LCLAT1: variants seen among roughly 807,000 people sequenced by gnomAD.
LCLAT1 encodes the protein lysocardiolipin acyltransferase 1, also known as 1-AGP acyltransferase 8.
A neutral mutation model predicts 30.7 loss-of-function variants in LCLAT1; 11 were observed. That is an observed-to-expected ratio of 0.36 (90% confidence interval 0.23 to 0.59). The LOEUF (loss-of-function observed/expected upper bound fraction) is 0.59. Among genes scored for constraint, LCLAT1 ranks in the 20% least tolerant of loss-of-function variants. The probability of loss-of-function intolerance (pLI) is 0.77; values close to 1 mark genes in which losing one functional copy is unlikely to be tolerated. For synonymous variants in LCLAT1, 155 were observed against 151.3 expected (o/e 1.02, Z -0.18); for missense variants, 402 against 458.6 (o/e 0.88, Z 1.13).
At chr2:30,512,886 A>T (rs957046385) in intron 1 of LCLAT1, among the ~76,000 whole-genome samples, 3 of 152,304 alleles carry the variant, frequency 2.0e-5, no homozygotes, top group African/African-American at 7.2e-5. Context: ...ACTTACATGA[A>T]CAATGTTGTA....
At chr2:30,534,434 C>A (rs1002954532) in intron 3 of LCLAT1, among the ~76,000 whole-genome samples, 1 of 152,112 alleles carries the variant, frequency 6.6e-6, no homozygotes, top group African/African-American at 2.4e-5. Context: ...CCAGCCACCA[C>A]GCCTGGCTAA....
chr2:30,462,513 C>T (rs529513657), intron 1 of LCLAT1, among the ~76,000 whole-genome samples: 1 of 152,250 alleles, frequency 6.6e-6, no homozygotes, highest in South Asian at 2.1e-4. Flanking sequence ...CTCAGGAAGA[C>T]CATGAGTGAA....
chr2:30,482,445 T>G (rs1018566579), intron 1 of LCLAT1, among the ~76,000 whole-genome samples: 5 of 152,208 alleles, frequency 3.3e-5, no homozygotes, highest in African/African-American at 1.2e-4. Flanking sequence ...AGTATATATC[T>G]TTCCAAAACT....
chr2:30,553,671 C>T (rs930206650), intron 3 of LCLAT1, among the ~76,000 whole-genome samples: 5 of 151,828 alleles, frequency 3.3e-5, no homozygotes, highest in East Asian at 1.9e-4. Context: ...AAAAATTAGC[C>T]GGGCGCGGTG....
In LCLAT1 at chr2:30,533,140, G is replaced by A; in HGVS notation, c.190G>A (p.Val64Ile). 3 of 1,613,736 alleles carry A rather than the reference G, an allele frequency of 1.9e-6. No homozygotes were observed. The highest frequency in any genetic ancestry group is 2.2e-5 in the East Asian group (1 of 44,868). The change falls in exon 3 of 6, where the codon GTA becomes ATA. Residue 64 changes from valine to isoleucine, a missense_variant. Val to Ile is a conservative substitution (Grantham distance 29). Transcript: ENST00000379509. ...GGCATTATTGGAGACCATGTTTGGTGTAAAAGTGATTATAACTGGGGATGC... is the reference window on the plus strand; with the variant it reads ...GGCATTATTGGAGACCATGTTTGGTATAAAAGTGATTATAACTGGGGATGC... ...PVALLETMFG[V>I]KVIITGDAFV...
intron 4 of LCLAT1, 98 bp from the exon 5 acceptor site, chr2:30,567,961 TA>T (rs1254167743): frequency 1.6e-6 from 1 of 640,022 alleles, no homozygotes; most frequent in Non-Finnish European, 2.8e-6. Flanking sequence ...AGAGAATAAT[TA>T]ACAGCTATTT....
At chr2:30,632,354 A>G (rs1668806105) in intron 5 of LCLAT1, among the ~76,000 whole-genome samples, 1 of 151,912 alleles carries the variant, frequency 6.6e-6, no homozygotes, top group African/African-American at 2.4e-5. Flanking sequence ...TCTGAATGCC[A>G]TGGGACAACT....
At chr2:30,504,102 A>G (rs13385958) in intron 1 of LCLAT1, among the ~76,000 whole-genome samples, 1 of 113,812 alleles carries the variant, frequency 8.8e-6, no homozygotes, top group African/African-American at 3.0e-5. Flanking sequence ...GTGTGTGTTT[A>G]TATATGTGTG....
At chr2:30,507,227 T>G (rs930872380) in intron 1 of LCLAT1, among the ~76,000 whole-genome samples, 9 of 152,134 alleles carry the variant, frequency 5.9e-5, no homozygotes, top group African/African-American at 2.2e-4. Flanking sequence ...TTGTTTTAAC[T>G]GACTCCCAAG....
intron 3 of LCLAT1, chr2:30,552,605 A>G (rs1317435716): frequency 1.6e-5 from 7 of 435,808 alleles, no homozygotes; most frequent in Non-Finnish European, 2.3e-5. Context: ...GTGGAAATTA[A>G]TCATCTTAGA....
intron 5 of LCLAT1, among the ~76,000 whole-genome samples, chr2:30,610,749 C>G (rs1343599052): frequency 6.6e-6 from 1 of 152,090 alleles, no homozygotes; most frequent in Non-Finnish European, 1.5e-5. Context: ...TTCATTCCAG[C>G]TGGTTGGTCC....
intron 5 of LCLAT1, among the ~76,000 whole-genome samples, chr2:30,634,659 C>T (rs1336455743): frequency 2.0e-5 from 3 of 152,162 alleles, no homozygotes; most frequent in African/African-American, 7.2e-5. Flanking sequence ...TTAAAAATGG[C>T]TTTTACTGGT....
chr2:30,609,388 C>G (rs1342983716), intron 5 of LCLAT1, among the ~76,000 whole-genome samples: 3 of 152,066 alleles, frequency 2.0e-5, no homozygotes, highest in African/African-American at 7.2e-5. Flanking sequence ...CATCTGGAGT[C>G]CCTTACATGT....
intron 3 of LCLAT1, among the ~76,000 whole-genome samples, chr2:30,547,610 G>C (rs1168866943): frequency 6.6e-6 from 1 of 151,980 alleles, no homozygotes; most frequent in Non-Finnish European, 1.5e-5. Flanking sequence ...TGAAGGTCCA[G>C]TGCCACTCTT....
intron 1 of LCLAT1, among the ~76,000 whole-genome samples, chr2:30,469,821 C>T (rs569236748): frequency 2.0e-5 from 3 of 152,104 alleles, no homozygotes; most frequent in African/African-American, 4.8e-5. Flanking sequence ...TCTCGATCTC[C>T]TGACCTCATG....
intron 5 of LCLAT1, among the ~76,000 whole-genome samples, chr2:30,598,712 T>C (rs1667042942): frequency 6.6e-6 from 1 of 152,176 alleles, no homozygotes. Flanking sequence ...GTGTGTTTGC[T>C]CTTGGTTCTC....
At chr2:30,488,632 A>C (rs1683677762) in intron 1 of LCLAT1, among the ~76,000 whole-genome samples, 1 of 152,140 alleles carries the variant, frequency 6.6e-6, no homozygotes, top group Non-Finnish European at 1.5e-5. Flanking sequence ...TTTCCTCTGG[A>C]AATAAGTTTT....
At chr2:30,517,078 A>G (rs1468785222) in intron 1 of LCLAT1, among the ~76,000 whole-genome samples, 1 of 152,050 alleles carries the variant, frequency 6.6e-6, no homozygotes, top group Non-Finnish European at 1.5e-5. Flanking sequence ...AGGCACCCCT[A>G]CCTCTCCTTT....
intron 1 of LCLAT1, among the ~76,000 whole-genome samples, chr2:30,470,245 A>G (rs556294997): frequency 8.5e-5 from 13 of 152,284 alleles, no homozygotes; most frequent in East Asian, 3.9e-4. Flanking sequence ...GAGGTAATCT[A>G]TTGGGGTAAT....
Sources: allele counts gnomAD v4.1 joint callset (sites outside exome capture counted in the v4.1 genomes callset), GRCh38; gene constraint gnomAD v4.1.1; transcripts MANE v1.5; gene names NCBI Gene and HGNC (gene_info 2026-07-23, HGNC 2026-07-21).